Variants in MRAS observed in about 807,000 individuals in gnomAD.
MRAS encodes ras-related protein M-Ras.
Under a neutral mutation model 20.9 loss-of-function variants are expected in MRAS, and 4 were observed. The ratio of observed to expected loss-of-function variants is 0.19; its 90% CI spans 0.09 to 0.44. The LOEUF (loss-of-function observed/expected upper bound fraction) is 0.44, where lower values mean the gene tolerates loss of function less well. Among genes scored for constraint, MRAS ranks in the 20% least tolerant of loss-of-function variants. MRAS has a pLI of 0.99. For missense variants in MRAS, 154 were observed against 277.5 expected, an observed-to-expected ratio of 0.56 and a Z score of 3.16; for synonymous variants, 98 against 102.9, an observed-to-expected ratio of 0.95 and a Z score of 0.29.
chr3:138,361,619 GAGC>G (rs2054449395), intron 1 of MRAS, among the ~76,000 whole-genome samples: 1 of 152,196 alleles, frequency 6.6e-6, no homozygotes, highest in East Asian at 1.9e-4. Flanking sequence ...CTGAGCAGCG[GAGC>G]AGAACAGTGA....
chr3:138,400,590 C>T lies in MRAS; in HGVS notation c.504C>T (p.Phe168=), dbSNP rs1439534225. Residue 168 remains phenylalanine, a synonymous_variant, in exon 5 of 6, where the codon TTC becomes TTT. Transcript: ENST00000423968. ...KDPPLNVDKA[F]HDLVRVIRQQ... is the part of the protein sequence containing the mutation. ...CACCTCTCAATGTCGACAAAGCCTT[C>T]CATGACCTCGTTAGAGTAATTAGGT... is the stretch of plus-strand genomic sequence containing the variant. The T allele has an allele frequency of 6.2e-7, 1 of 1,613,040 alleles. No homozygotes were observed. Among genetic ancestry groups the T allele is most frequent in the Non-Finnish European group, 8.5e-7 (1 of 1,179,120 alleles).
In MRAS at chr3:138,392,121, A is replaced by G. The variant is rs75754423; in HGVS notation, c.194-5203A>G. Among the ~76,000 whole-genome samples, 441 of 152,326 alleles carry G rather than the reference A, an allele frequency of 2.9e-3. 3 individuals are homozygous for G. The highest frequency in any genetic ancestry group is 0.01 in the African/African-American group (426 of 41,566). On this transcript the variant is annotated intron_variant, in intron 2 of 5. Transcript: ENST00000423968. ...CCACTGCACTCCAGCCTGGAGACAG[A>G]GTAAGACTCCATCTCAAAAAAACAA...
intron 2 of MRAS, among the ~76,000 whole-genome samples, chr3:138,387,983 C>T (rs1298131059): frequency 6.6e-6 from 1 of 152,140 alleles, no homozygotes; most frequent in African/African-American, 2.4e-5. Context: ...TTCCTTAAGC[C>T]AGGGTGTTGA....
intron 2 of MRAS, among the ~76,000 whole-genome samples, chr3:138,379,034 T>C (rs1000065097): frequency 6.6e-6 from 1 of 152,196 alleles, no homozygotes; most frequent in Non-Finnish European, 1.5e-5. Context: ...ATTGGGAACA[T>C]TACAATTCTT....
At chr3:138,381,651 C>T (rs1156657232) in intron 2 of MRAS, among the ~76,000 whole-genome samples, 3 of 152,214 alleles carry the variant, frequency 2.0e-5, no homozygotes, top group Non-Finnish European at 2.9e-5. Flanking sequence ...CCTTGGGGTT[C>T]TTGGGCCCAG....
intron 2 of MRAS, among the ~76,000 whole-genome samples, chr3:138,381,019 C>G (rs1402867140): frequency 6.6e-6 from 1 of 152,052 alleles, no homozygotes; most frequent in African/African-American, 2.4e-5. Flanking sequence ...GTGATCCACC[C>G]GCCTCGGCCT....
At chr3:138,392,278 G>T (rs1321651241) in intron 2 of MRAS, among the ~76,000 whole-genome samples, 1 of 152,222 alleles carries the variant, frequency 6.6e-6, no homozygotes, top group Admixed American at 6.5e-5. Flanking sequence ...CAAGATTGTA[G>T]CTCATTGGAA....
chr3:138,390,816 G>T (rs1021424233), intron 2 of MRAS, among the ~76,000 whole-genome samples: 1 of 152,144 alleles, frequency 6.6e-6, no homozygotes, highest in African/African-American at 2.4e-5. Context: ...TGTCCCTTCC[G>T]TTTCATCTGC....
At chr3:138,377,096 C>T (rs532901290) in intron 2 of MRAS, among the ~76,000 whole-genome samples, 50 of 152,264 alleles carry the variant, frequency 3.3e-4, no homozygotes, top group South Asian at 1.0e-3. Context: ...GAAACATGGC[C>T]GCAGCATTAT....
chr3:138,394,745 G>A (rs764745892), intron 2 of MRAS, among the ~76,000 whole-genome samples: 6 of 152,116 alleles, frequency 3.9e-5, no homozygotes, highest in Admixed American at 3.3e-4. Flanking sequence ...TCCCCTAGAC[G>A]CTCAGGCCAG....
chr3:138,363,613 C>A (rs1248396665), intron 1 of MRAS, among the ~76,000 whole-genome samples: 1 of 152,142 alleles, frequency 6.6e-6, no homozygotes, highest in Non-Finnish European at 1.5e-5. Flanking sequence ...GGACCAAGCA[C>A]ACAGGAGGTG....
At chr3:138,388,903 G>A (rs963013015) in intron 2 of MRAS, among the ~76,000 whole-genome samples, 3 of 151,260 alleles carry the variant, frequency 2.0e-5, no homozygotes, top group Admixed American at 6.6e-5. Context: ...GTGCAGTGGC[G>A]CAGTCTCGGC....
intron 2 of MRAS, among the ~76,000 whole-genome samples, chr3:138,376,023 A>G (rs1231721463): frequency 6.6e-6 from 1 of 152,176 alleles, no homozygotes; most frequent in African/African-American, 2.4e-5. Context: ...CTTTGTAAAT[A>G]TGTTTTAAAA....
intron 2 of MRAS, among the ~76,000 whole-genome samples, chr3:138,378,322 C>G (rs1211197909): frequency 6.6e-6 from 1 of 152,224 alleles, no homozygotes; most frequent in East Asian, 1.9e-4. Flanking sequence ...GTCACATTGC[C>G]TGTGTCCTCC....
At chr3:138,388,356 T>C (rs892050637) in intron 2 of MRAS, among the ~76,000 whole-genome samples, 1 of 152,190 alleles carries the variant, frequency 6.6e-6, no homozygotes. Flanking sequence ...ATGGGCATAA[T>C]CATTCCTGCC....
At chr3:138,390,536 C>CTGATGTCA (rs2055111317) in intron 2 of MRAS, among the ~76,000 whole-genome samples, 1 of 152,240 alleles carries the variant, frequency 6.6e-6, no homozygotes, top group Non-Finnish European at 1.5e-5. Context: ...ACCTTCATGA[C>CTGATGTCA]ATCAGGCATG....
At chr3:138,361,521 G>T (rs2054447023) in intron 1 of MRAS, among the ~76,000 whole-genome samples, 1 of 152,214 alleles carries the variant, frequency 6.6e-6, no homozygotes, top group South Asian at 2.1e-4. Context: ...AAAAGGAAGA[G>T]AATTTGGGGC....
chr3:138,399,755 T>G (rs1488433780), intron 4 of MRAS, among the ~76,000 whole-genome samples: 1 of 152,216 alleles, frequency 6.6e-6, no homozygotes, highest in Non-Finnish European at 1.5e-5. Context: ...CTTTGGGGAA[T>G]GAACACTTCC....
At chr3:138,364,184 C>G (rs1018225008) in intron 1 of MRAS, among the ~76,000 whole-genome samples, 2 of 152,138 alleles carry the variant, frequency 1.3e-5, no homozygotes, top group African/African-American at 4.8e-5. Context: ...GCCTGCTAGC[C>G]TTCCGAGAAG....
Sources: gnomAD v4.1 joint callset for allele counts (sites outside exome capture counted in the v4.1 genomes callset) on GRCh38, gnomAD v4.1.1 for gene constraint, MANE v1.5 for transcripts, NCBI Gene and HGNC (gene_info 2026-07-23, HGNC 2026-07-21) for gene names.